The following BEST3 variants were observed in gnomAD, a reference collection of about 807,000 sequenced individuals.
BEST3 encodes bestrophin 3, also known as bestrophin-3.
In BEST3, 50 loss-of-function variants were observed where a neutral mutation model predicts 47.1. The ratio of observed to expected loss-of-function variants is 1.06; its 90% CI spans 0.85 to 1.34. The LOEUF is 1.34. BEST3 is among the 40% of genes most tolerant of loss of function. BEST3 has a pLI of 0.00. For synonymous variants in BEST3, 282 were observed against 298.8 expected, an observed-to-expected ratio of 0.94 and a Z score of 0.58; for missense variants, 765 against 817.0, an observed-to-expected ratio of 0.94 and a Z score of 0.78.
downstream of BEST3, among the ~76,000 whole-genome samples, chr12:69,650,423 G>C (rs147761226): frequency 6.6e-6 from 1 of 152,194 alleles, no homozygotes; most frequent in Non-Finnish European, 1.5e-5. Context: ...GGACCTATCT[G>C]ACATAGTTCA....
chr12:69,651,951 G>C (rs1883223962), downstream of BEST3, among the ~76,000 whole-genome samples: 1 of 152,074 alleles, frequency 6.6e-6, no homozygotes, highest in African/African-American at 2.4e-5. Context: ...ATTTTCCATA[G>C]CTTAGCTGAA....
intron 9 of BEST3, chr12:69,660,668 A>G (rs1883817770): frequency 6.6e-6 from 1 of 152,198 alleles, no homozygotes; most frequent in Non-Finnish European, 1.5e-5. Flanking sequence ...TCAATACAAA[A>G]ATATAGAAAA....
chr12:69,680,409 G>C (rs920273067), intron 4 of BEST3, among the ~76,000 whole-genome samples: 3 of 149,634 alleles, frequency 2.0e-5, no homozygotes, highest in African/African-American at 7.4e-5. Flanking sequence ...CCAGGGTTCA[G>C]GCCATTCTCC....
At chr12:69,667,965 T>C (rs986002256) in intron 9 of BEST3, among the ~76,000 whole-genome samples, 1 of 152,234 alleles carries the variant, frequency 6.6e-6, no homozygotes, top group African/African-American at 2.4e-5. Flanking sequence ...ATTTGAGTTA[T>C]ATATATTTGG....
At chr12:69,657,461 G>GT in intron 9 of BEST3, among the ~76,000 whole-genome samples, 1 of 152,262 alleles carries the variant, frequency 6.6e-6, no homozygotes. Flanking sequence ...AGATAAGCCT[G>GT]TTTGGTAGTT....
downstream of BEST3, among the ~76,000 whole-genome samples, chr12:69,650,146 C>A (rs965528607): frequency 5.9e-5 from 9 of 152,156 alleles, no homozygotes; most frequent in African/African-American, 2.2e-4. Flanking sequence ...TTCCATTTGC[C>A]ATGGCCAGGC....
chr12:69,680,891 A>G (rs1372269943), intron 4 of BEST3, among the ~76,000 whole-genome samples: 1 of 152,130 alleles, frequency 6.6e-6, no homozygotes, highest in Non-Finnish European at 1.5e-5. Context: ...TAATATATAG[A>G]GAGCAGCAGC....
At chr12:69,656,188 T>C (rs1883481684) in intron 9 of BEST3, among the ~76,000 whole-genome samples, 1 of 152,174 alleles carries the variant, frequency 6.6e-6, no homozygotes, top group Non-Finnish European at 1.5e-5. Flanking sequence ...TGGACACTCT[T>C]GACAGAATGA....
intron 4 of BEST3, 66 bp downstream of exon 4, chr12:69,693,608 A>T: frequency 7.7e-7 from 1 of 1,295,274 alleles, no homozygotes; most frequent in Non-Finnish European, 1.1e-6. Flanking sequence ...AAGAATTTTC[A>T]AAGGAATTCT....
At chr12:69,649,863 C>T (rs1243547009), downstream of BEST3, among the ~76,000 whole-genome samples, 1 of 152,202 alleles carries the variant, frequency 6.6e-6, no homozygotes, top group African/African-American at 2.4e-5. Flanking sequence ...TGTGCAAAAC[C>T]CATTTTAGAA....
chr12:69,671,984 G>A (rs377136085), intron 8 of BEST3, among the ~76,000 whole-genome samples: 1 of 152,294 alleles, frequency 6.6e-6, no homozygotes. Flanking sequence ...TGTTAACCCT[G>A]TAAACACATT....
intron 4 of BEST3, 85 bp from the exon 5 acceptor site, chr12:69,678,978 A>G (rs777964949): frequency 9.0e-6 from 10 of 1,110,554 alleles, no homozygotes; most frequent in Non-Finnish European, 1.2e-5. Context: ...ATATAAAAGC[A>G]TATAATGAGG....
chr12:69,660,448 A>T (rs1368865128), intron 9 of BEST3: 2 of 152,264 alleles, frequency 1.3e-5, no homozygotes, highest in Non-Finnish European at 2.9e-5. Context: ...ATGATAAGCC[A>T]TTTAATGATA....
chr12:69,680,433 C>T lies in BEST3; in HGVS notation c.482-1540G>A, dbSNP rs544176410. Among the ~76,000 whole-genome samples the T allele has an allele frequency of 1.1e-4, 17 of 151,288 alleles. No homozygotes were observed. In the South Asian group the frequency reaches 2.3e-3, roughly 21 times the overall value. On this transcript the variant is annotated intron_variant, in intron 4 of 9. Transcript: ENST00000330891. ...AGGCCATTCTCCTGCCTCAGCCTCC[C>T]GAGCAGCTGGGACTACAGGCACCTG... is the stretch of plus-strand genomic sequence containing the variant.
At chr12:69,653,528 C>T (rs754096975), downstream of BEST3, 1 of 650,712 alleles carries the variant, frequency 1.5e-6, no homozygotes, top group Non-Finnish European at 1.9e-6. Context: ...CTGTTTCTCT[C>T]GTCTTTAAAA....
intron 9 of BEST3, among the ~76,000 whole-genome samples, chr12:69,656,614 A>G (rs1883517777): frequency 6.6e-6 from 1 of 152,160 alleles, no homozygotes; most frequent in Non-Finnish European, 1.5e-5. Flanking sequence ...AGTTGGTATT[A>G]GTATTATATC....
intron 7 of BEST3, among the ~76,000 whole-genome samples, chr12:69,675,196 T>C (rs550772562): frequency 5.3e-5 from 8 of 152,308 alleles, no homozygotes; most frequent in African/African-American, 1.7e-4. Context: ...CATGGCTCAC[T>C]GCACCCTCGG....
Position 69,685,130 on chromosome 12 carries a change from GC to G in BEST3, c.482-6238del, listed in dbSNP as rs557931302. 3.2e-3 allele frequency among the ~76,000 whole-genome samples: 491 copies of G among 152,124 alleles called. 1 individual carries two copies. Among genetic ancestry groups the G allele is most frequent in the African/African-American group, 0.011 (463 of 41,490 alleles). ...TGAGTTACAAACCACAGCTGGAAAAGCCTGAAATAGGCTACGGTGGAGTAAA... is the reference window on the plus strand; with the variant it reads ...TGAGTTACAAACCACAGCTGGAAAAGCTGAAATAGGCTACGGTGGAGTAAA... On this transcript the variant is annotated intron_variant, in intron 4 of 9. Coordinates refer to ENST00000330891, the MANE Select transcript of BEST3 (RefSeq NM_032735.3).
intron 4 of BEST3, among the ~76,000 whole-genome samples, chr12:69,679,776 G>T (rs916346931): frequency 1.1e-4 from 16 of 152,172 alleles, no homozygotes; most frequent in Admixed American, 2.6e-4. Context: ...CATGAAAATC[G>T]CTTGAACCCA....
Sources: allele counts gnomAD v4.1 joint callset (sites outside exome capture counted in the v4.1 genomes callset), GRCh38; gene constraint gnomAD v4.1.1; transcripts MANE v1.5; gene names NCBI Gene and HGNC (gene_info 2026-07-23, HGNC 2026-07-21).